Variants in CLASP1 observed in about 807,000 individuals in gnomAD.
CLASP1 encodes cytoplasmic linker associated protein 1.
A neutral mutation model predicts 192.3 loss-of-function variants in CLASP1; 38 were observed. The observed-to-expected ratio is 0.20, with a 90% CI of 0.15 to 0.26. The LOEUF is 0.26. Ranked by LOEUF, CLASP1 falls within the 10% of genes least tolerant of loss-of-function variation. CLASP1 has a pLI of 1.00. For synonymous variants in CLASP1, 691 were observed against 712.8 expected (o/e 0.97, Z 0.49); for missense variants, 1,433 against 1,932.5 (o/e 0.74, Z 4.85).
intron 22 of CLASP1, among the ~76,000 whole-genome samples, chr2:121,422,413 C>A (rs1302645389): frequency 6.6e-6 from 1 of 151,976 alleles, no homozygotes; most frequent in Non-Finnish European, 1.5e-5. Context: ...ATGAAAGCTG[C>A]AAAAATGTCA....
chr2:121,575,189 G>A (rs2060388359), intron 2 of CLASP1, among the ~76,000 whole-genome samples: 1 of 151,514 alleles, frequency 6.6e-6, no homozygotes, highest in Non-Finnish European at 1.5e-5. Context: ...TCGGCTCACT[G>A]CAACCTCCGC....
intron 1 of CLASP1, among the ~76,000 whole-genome samples, chr2:121,633,167 A>T (rs2070132302): frequency 6.6e-6 from 1 of 152,012 alleles, no homozygotes; most frequent in South Asian, 2.1e-4. Context: ...AGTTTATAAT[A>T]GAAAAATTTC....
chr2:121,577,264 T>C (rs530608025), intron 2 of CLASP1, among the ~76,000 whole-genome samples: 2 of 150,962 alleles, frequency 1.3e-5, no homozygotes, highest in Non-Finnish European at 3.0e-5. Flanking sequence ...GGAAAAAAGA[T>C]CCACCTTTAT....
intron 37 of CLASP1, among the ~76,000 whole-genome samples, chr2:121,353,488 T>C (rs760252774): frequency 6.6e-6 from 1 of 152,196 alleles, no homozygotes; most frequent in Non-Finnish European, 1.5e-5. Flanking sequence ...CCTGCCTGTG[T>C]GGTGCTTCCT....
intron 2 of CLASP1, 120 bp downstream of exon 2, chr2:121,605,579 AGT>A: frequency 1.5e-6 from 1 of 658,708 alleles, no homozygotes; most frequent in East Asian, 2.6e-5. Context: ...AATCTGATTG[AGT>A]GTCTTACTAG....
chr2:121,414,592 G>A (rs186292248), intron 23 of CLASP1, among the ~76,000 whole-genome samples: 22 of 152,182 alleles, frequency 1.4e-4, no homozygotes, highest in Middle Eastern at 3.4e-3. Context: ...GCAGTAAGAC[G>A]GATTGTTAGC....
intron 2 of CLASP1, among the ~76,000 whole-genome samples, chr2:121,601,309 G>C (rs1463651139): frequency 7.2e-6 from 1 of 138,314 alleles, no homozygotes; most frequent in Non-Finnish European, 1.5e-5. Context: ...GTCTTGCTCT[G>C]TCGCCCAGGC....
At chr2:121,407,229 A>C (rs1428177039) in intron 25 of CLASP1, among the ~76,000 whole-genome samples, 2 of 149,998 alleles carry the variant, frequency 1.3e-5, no homozygotes, top group South Asian at 4.2e-4. Flanking sequence ...AAAAAAAAAA[A>C]GTAAAGAAAA....
chr2:121,344,944 G>A (rs2063261753), intron 39 of CLASP1, among the ~76,000 whole-genome samples: 1 of 152,160 alleles, frequency 6.6e-6, no homozygotes, highest in East Asian at 1.9e-4. Flanking sequence ...GATCACCTGA[G>A]GTCAGGAGTT....
intron 2 of CLASP1, among the ~76,000 whole-genome samples, chr2:121,566,430 C>T (rs2059508481): frequency 6.6e-6 from 1 of 152,166 alleles, no homozygotes; most frequent in Non-Finnish European, 1.5e-5. Context: ...TAAGTGGAAA[C>T]AACTTGGTCC....
At chr2:121,606,332 T>C (rs2064406459) in intron 1 of CLASP1, among the ~76,000 whole-genome samples, 152 bp from the exon 2 acceptor site, 1 of 152,044 alleles carries the variant, frequency 6.6e-6, no homozygotes, top group Admixed American at 6.5e-5. Context: ...GGCAACCATA[T>C]CGAAATAACA....
intron 1 of CLASP1, among the ~76,000 whole-genome samples, chr2:121,611,188 G>T (rs574085386): frequency 7.1e-6 from 1 of 141,764 alleles, no homozygotes; most frequent in African/African-American, 2.7e-5. Flanking sequence ...GGAGGAAGAG[G>T]AACTGGAGGA....
At chr2:121,497,051 G>A (rs1277019071) in intron 8 of CLASP1, among the ~76,000 whole-genome samples, 1 of 150,208 alleles carries the variant, frequency 6.7e-6, no homozygotes, top group African/African-American at 2.5e-5. Flanking sequence ...AGATTAGACT[G>A]GTAGTTACCA....
chr2:121,516,547 A>G (rs2094299727), intron 6 of CLASP1, among the ~76,000 whole-genome samples: 1 of 152,258 alleles, frequency 6.6e-6, no homozygotes, highest in African/African-American at 2.4e-5. Flanking sequence ...GCAGCATGAA[A>G]TACGAAATAA....
chr2:121,436,032 CT>C (rs201117966), intron 19 of CLASP1, among the ~76,000 whole-genome samples: 6,317 of 144,158 alleles, frequency 0.044, 158 homozygotes, highest in East Asian at 0.14. Flanking sequence ...TGCAATTTTA[CT>C]TTTTTTTTTT....
intron 19 of CLASP1, among the ~76,000 whole-genome samples, chr2:121,430,965 C>T (rs540701638): frequency 1.3e-3 from 189 of 147,184 alleles, no homozygotes; most frequent in South Asian, 2.4e-3. Context: ...GTATGATTAG[C>T]GATTAAACTT....
chr2:121,516,418 G>GA (rs1373003816), intron 6 of CLASP1, among the ~76,000 whole-genome samples: 1 of 152,232 alleles, frequency 6.6e-6, no homozygotes. Flanking sequence ...GGTCCAGATG[G>GA]AATGAGCGAA....
intron 1 of CLASP1, among the ~76,000 whole-genome samples, chr2:121,616,360 T>C (rs955293195): frequency 2.0e-5 from 3 of 151,960 alleles, no homozygotes; most frequent in African/African-American, 4.8e-5. Context: ...GACAATAGAA[T>C]CGCTTGAACC....
intron 33 of CLASP1, among the ~76,000 whole-genome samples, chr2:121,381,877 T>C (rs2071753904): frequency 6.6e-6 from 1 of 152,204 alleles, no homozygotes; most frequent in African/African-American, 2.4e-5. Context: ...CTCCCACTAT[T>C]GCCCACGCTG....
Sources: allele counts gnomAD v4.1 joint callset (sites outside exome capture counted in the v4.1 genomes callset), GRCh38; gene constraint gnomAD v4.1.1; transcripts MANE v1.5; gene names NCBI Gene and HGNC (gene_info 2026-07-23, HGNC 2026-07-21).